Variants in MYO1E observed in about 807,000 individuals in gnomAD.
MYO1E encodes unconventional myosin-Ie.
Under a neutral mutation model 151.1 loss-of-function variants are expected in MYO1E, and 68 were observed. The ratio of observed to expected loss-of-function variants is 0.45; its 90% CI spans 0.37 to 0.55. The LOEUF (loss-of-function observed/expected upper bound fraction) is 0.55, where lower values mean the gene tolerates loss of function less well. MYO1E is among the 20% of genes least tolerant of loss of function. MYO1E has a pLI of 0.00. For synonymous variants in MYO1E, 601 were observed against 501.7 expected (o/e 1.20, Z -2.64); for missense variants, 1,363 against 1,389.3 (o/e 0.98, Z 0.30).
At chr15:59,297,029 T>A (rs76157852) in intron 1 of MYO1E, among the ~76,000 whole-genome samples, 1 of 48,972 alleles carries the variant, frequency 2.0e-5, no homozygotes, top group Non-Finnish European at 5.5e-5. Flanking sequence ...TTTTTTGTGT[T>A]TTTTTGTAGA....
intron 1 of MYO1E, among the ~76,000 whole-genome samples, chr15:59,334,713 T>A (rs16941344): frequency 0.026 from 3,938 of 152,324 alleles, 109 homozygotes; most frequent in African/African-American, 0.064. Flanking sequence ...AGAGATCACT[T>A]GGCAAGGGCT....
At chr15:59,220,925 TAAAAAAAAAAA>T (rs59578227) in intron 9 of MYO1E, among the ~76,000 whole-genome samples, 1 of 77,930 alleles carries the variant, frequency 1.3e-5, no homozygotes, top group Non-Finnish European at 2.4e-5. Flanking sequence ...CCCCATCTCT[TAAAAAAAAAAA>T]AAAAAAAAAA....
In MYO1E at chr15:59,202,355, G is replaced by A. The variant is rs1178412708; in HGVS notation, c.1669C>T (p.Arg557Cys). Reference protein sequence around the residue: ...PENLQADKKGRPTTAGSKIKK... With the variant: ...PENLQADKKGCPTTAGSKIKK... ...ATTTTGCTTCCGGCAGTAGTTGGGC[G>A]CCCTTTCTTGTCAGCCTGCAGATTT... The change falls in exon 16 of 28, where the codon CGC becomes TGC. Residue 557 changes from arginine to cysteine, a missense_variant. Transcript: ENST00000288235. 7 of 1,614,006 alleles carry A rather than the reference G, an allele frequency of 4.3e-6. No homozygotes were observed. Among genetic ancestry groups the A allele is most frequent in the Non-Finnish European group, 5.9e-6 (7 of 1,179,928 alleles).
intron 15 of MYO1E, 47 bp downstream of exon 15, chr15:59,205,353 T>G (rs371677456): frequency 6.3e-7 from 1 of 1,577,296 alleles, no homozygotes; most frequent in Non-Finnish European, 8.7e-7. Context: ...ATATTGAAAA[T>G]TTCATCAAAC....
At chr15:59,356,777 C>T (rs2080855368) in intron 1 of MYO1E, among the ~76,000 whole-genome samples, 1 of 152,114 alleles carries the variant, frequency 6.6e-6, no homozygotes, top group Non-Finnish European at 1.5e-5. Context: ...CCATGTTGCC[C>T]AGACTGGTCC....
At chr15:59,249,744 G>C (rs555386437) in intron 4 of MYO1E, among the ~76,000 whole-genome samples, 3 of 152,240 alleles carry the variant, frequency 2.0e-5, no homozygotes, top group African/African-American at 7.2e-5. Context: ...TGAGGAGCAG[G>C]CTTCTCTTCC....
At chr15:59,335,234 A>C (rs1285738467) in intron 1 of MYO1E, among the ~76,000 whole-genome samples, 1 of 152,228 alleles carries the variant, frequency 6.6e-6, no homozygotes, top group Non-Finnish European at 1.5e-5. Flanking sequence ...AGAAGAATAA[A>C]GAACAAGATT....
Position 59,271,569 on chromosome 15 carries a change from T to G in MYO1E, c.147+737A>C, listed in dbSNP as rs79215700. 5.8e-3 allele frequency among the ~76,000 whole-genome samples: 878 copies of G among 152,284 alleles called. 6 individuals carry two copies. The highest frequency in any genetic ancestry group is 0.019 in the African/African-American group (805 of 41,568). Reference sequence around the variant, plus strand: ...TCACAGTTCCCTGTTGATAATGAAGTCAACCCATATTTGAATCAAATTTCC... The same window carrying G: ...TCACAGTTCCCTGTTGATAATGAAGGCAACCCATATTTGAATCAAATTTCC... On this transcript the variant is annotated intron_variant, in intron 2 of 27. Coordinates refer to ENST00000288235, the MANE Select transcript of MYO1E (RefSeq NM_004998.4).
chr15:59,336,561 C>T (rs1417143230), intron 1 of MYO1E, among the ~76,000 whole-genome samples: 1 of 151,962 alleles, frequency 6.6e-6, no homozygotes, highest in Non-Finnish European at 1.5e-5. Flanking sequence ...CTGATACCTC[C>T]AGTAATTCAC....
chr15:59,189,731 T>C (rs1258332784), intron 17 of MYO1E, among the ~76,000 whole-genome samples: 1 of 152,276 alleles, frequency 6.6e-6, no homozygotes, highest in Middle Eastern at 3.4e-3. Context: ...TGTGCCACCA[T>C]GCCTGGGTAA....
At chr15:59,358,396 G>C (rs1363058027) in intron 1 of MYO1E, among the ~76,000 whole-genome samples, 1 of 152,164 alleles carries the variant, frequency 6.6e-6, no homozygotes, top group South Asian at 2.1e-4. Flanking sequence ...TCCAAGTCCA[G>C]ATGAATGCTT....
Position 59,217,519 on chromosome 15 carries a change from C to CTTTTTTTTTTTTTTT in MYO1E, c.1107+357_1107+371dup, listed in dbSNP as rs1164320277. ...AACACAAAACCCTCAGTCGTTTTAC[C>CTTTTTTTTTTTTTTT]TTTTTTTTTTTTTTTTTTTTTTGGG... is the stretch of plus-strand genomic sequence containing the variant. On this transcript the variant is annotated intron_variant, in intron 10 of 27. Transcript: ENST00000288235. Among the ~76,000 whole-genome samples, 307 of 53,152 alleles carry CTTTTTTTTTTTTTTT rather than the reference C, an allele frequency of 5.8e-3. 38 individuals carry two copies. Among genetic ancestry groups the CTTTTTTTTTTTTTTT allele is most frequent in the African/African-American group, 0.02 (293 of 14,374 alleles). 34.9% of individuals were successfully genotyped at this position (53,152 alleles called of 152,430 possible).
intron 19 of MYO1E, among the ~76,000 whole-genome samples, chr15:59,175,882 G>A (rs2079621712): frequency 6.6e-6 from 1 of 152,156 alleles, no homozygotes; most frequent in Admixed American, 6.5e-5. Context: ...TTAGAAATTA[G>A]GGAGGTTCAA....
In MYO1E at chr15:59,153,747, G is replaced by A. The variant is rs760904881; in HGVS notation, c.2923C>T (p.Pro975Ser). ...GACCTCTGGCTTCCAGGAGCATGGGGATATGGCACATACTGGTTTCTGATG... is the reference window on the plus strand; with the variant it reads ...GACCTCTGGCTTCCAGGAGCATGGGAATATGGCACATACTGGTTTCTGATG... ...GVIRNQYVPY[P>S]HAPGSQRSNQ... The change falls in exon 26 of 28, where the codon CCC becomes TCC. Residue 975 changes from proline to serine, a missense_variant. By Grantham distance (74) the Pro-to-Ser change is moderately conservative (BLOSUM62 -1). Coordinates refer to ENST00000288235, the MANE Select transcript of MYO1E (RefSeq NM_004998.4). The A allele has an allele frequency of 3.7e-6, 6 of 1,614,146 alleles. No homozygotes were observed. In the South Asian group the frequency reaches 5.5e-5, roughly 15 times the overall value.
chr15:59,138,448 G>T, intron 26 of MYO1E, 81 bp from the exon 27 acceptor site: 1 of 1,473,254 alleles, frequency 6.8e-7, no homozygotes, highest in Non-Finnish European at 9.4e-7. Flanking sequence ...CATGGCGGCC[G>T]GCACTGGCCT....
rs77245032 is a variant in MYO1E, at chr15:59,261,788, G to A, written c.148-279C>T. Among the ~76,000 whole-genome samples the A allele has an allele frequency of 3.8e-4, 58 of 152,284 alleles. No individual in the cohort carries two copies. In the East Asian group the frequency reaches 0.011, roughly 29 times the overall value. ...TCTTTCAAGATGGGTGACACGTACA[G>A]CAAGGAGAAAAGAAAACAAAGGAAA... On this transcript the variant is annotated intron_variant, in intron 2 of 27. Transcript: ENST00000288235.
At chr15:59,339,857 T>C (rs529532971) in intron 1 of MYO1E, among the ~76,000 whole-genome samples, 1 of 150,952 alleles carries the variant, frequency 6.6e-6, no homozygotes, top group African/African-American at 2.4e-5. Context: ...TTTTTTGTTT[T>C]TTTTTTTTTT....
intron 3 of MYO1E, among the ~76,000 whole-genome samples, chr15:59,256,676 C>T (rs370571028): frequency 6.6e-6 from 1 of 152,062 alleles, no homozygotes; most frequent in African/African-American, 2.4e-5. Context: ...TTAGACACTC[C>T]AACACCCCAC....
intron 1 of MYO1E, 89 bp downstream of exon 1, chr15:59,372,409 G>T: frequency 6.7e-7 from 1 of 1,493,452 alleles, no homozygotes; most frequent in Non-Finnish European, 9.0e-7. Context: ...CCCTGGCCCC[G>T]GCAGCGCGCC....
Sources: allele counts gnomAD v4.1 joint callset (sites outside exome capture counted in the v4.1 genomes callset), GRCh38; gene constraint gnomAD v4.1.1; transcripts MANE v1.5; gene names NCBI Gene and HGNC (gene_info 2026-07-23, HGNC 2026-07-21).